The following USH2A variants were observed in gnomAD, a reference collection of about 807,000 sequenced individuals.
USH2A encodes the protein Usher syndrome 2A (autosomal recessive, mild).
A neutral mutation model predicts 538.9 loss-of-function variants in USH2A; 443 were observed. That is an observed-to-expected ratio of 0.82 (90% confidence interval 0.76 to 0.89). The LOEUF is 0.89. USH2A is among the 40% of genes least tolerant of loss of function. The pLI, the probability that USH2A is intolerant of heterozygous loss-of-function variation, is 0.00. For missense variants in USH2A, 6,633 were observed against 6,324.8 expected, an observed-to-expected ratio of 1.05 and a Z score of -1.65; for synonymous variants, 2,413 against 2,273.5, an observed-to-expected ratio of 1.06 and a Z score of -1.75.
At chr1:216,086,854 C>A (rs1173483469) in intron 23 of USH2A, 34 bp from the exon 24 acceptor site, 2 of 1,511,834 alleles carry the variant, frequency 1.3e-6, no homozygotes, top group South Asian at 1.1e-5. Flanking sequence ...ACACCTTCAC[C>A]AGGATACTCT....
chr1:216,283,798 T>C (rs1432026347), intron 11 of USH2A, among the ~76,000 whole-genome samples: 1 of 152,216 alleles, frequency 6.6e-6, no homozygotes, highest in Non-Finnish European at 1.5e-5. Context: ...TAATTGTTTG[T>C]CATTTCCTTT....
chr1:216,265,418 T>C (rs1034284962), intron 11 of USH2A, among the ~76,000 whole-genome samples: 5 of 151,862 alleles, frequency 3.3e-5, no homozygotes, highest in Non-Finnish European at 7.4e-5. Context: ...TAGCATACCA[T>C]TATGGAAAAA....
At chr1:215,836,665 T>C (rs1444212229) in intron 47 of USH2A, among the ~76,000 whole-genome samples, 7 of 138,730 alleles carry the variant, frequency 5.0e-5, no homozygotes, top group Non-Finnish European at 1.1e-4. Flanking sequence ...CACGCCATGC[T>C]CCTGCCTCAG....
intron 44 of USH2A, among the ~76,000 whole-genome samples, chr1:215,858,700 T>C (rs79946514): frequency 0.047 from 7,120 of 152,020 alleles, 273 homozygotes; most frequent in South Asian, 0.14. Flanking sequence ...AGAGCTTTGC[T>C]ATTAAATGTT....
intron 37 of USH2A, among the ~76,000 whole-genome samples, chr1:215,952,115 C>A (rs1325990925): frequency 6.6e-6 from 1 of 152,210 alleles, no homozygotes; most frequent in South Asian, 2.1e-4. Flanking sequence ...CCACCCGCCT[C>A]GGCCTCCCAA....
intron 21 of USH2A, among the ~76,000 whole-genome samples, chr1:216,146,091 G>T (rs1389832324): frequency 5.3e-5 from 8 of 152,174 alleles, no homozygotes; most frequent in Non-Finnish European, 7.3e-5. Context: ...CCTCCCTTGG[G>T]AGATCAATCC....
At position 215,680,435 on chromosome 1, in the gene USH2A, C is replaced by T. The variant is rs1004736514; in HGVS notation, c.12067-59G>A. ...TTTTTTTTTGAAACTGACAATATTG[C>T]TGGAAAGTCATTCTCTGAACCTCAT... On this transcript the variant is annotated intron_variant, in intron 61 of 71. Coordinates refer to ENST00000307340, the MANE Select transcript of USH2A (RefSeq NM_206933.4). The T allele has an allele frequency of 5.8e-6, 9 of 1,551,592 alleles. No individual in the cohort carries two copies. The Admixed American group carries it at 6.7e-5, about 12-fold the overall frequency.
intron 47 of USH2A, among the ~76,000 whole-genome samples, chr1:215,836,792 G>T (rs1231536860): frequency 6.7e-6 from 1 of 150,290 alleles, no homozygotes; most frequent in Non-Finnish European, 1.5e-5. Flanking sequence ...TCCTGAGCTT[G>T]TGATCCGCCC....
At chr1:216,088,990 T>C in intron 23 of USH2A, 23 bp downstream of exon 23, 1 of 1,612,902 alleles carries the variant, frequency 6.2e-7, no homozygotes, top group Non-Finnish European at 8.5e-7. Flanking sequence ...CAGGGCTATT[T>C]ATACATATCA....
At chr1:216,099,017 T>A (rs1179012470) in intron 21 of USH2A, among the ~76,000 whole-genome samples, 1 of 152,154 alleles carries the variant, frequency 6.6e-6, no homozygotes, top group Admixed American at 6.5e-5. Flanking sequence ...AAGACAAAGA[T>A]GAAAAAGAAT....
At chr1:215,629,759 T>A (rs1050147054) in intron 70 of USH2A, among the ~76,000 whole-genome samples, 3 of 148,182 alleles carry the variant, frequency 2.0e-5, no homozygotes, top group African/African-American at 7.7e-5. Flanking sequence ...TGTTTCTGCT[T>A]TTTCTTTTCT....
intron 56 of USH2A, 134 bp downstream of exon 56, chr1:215,766,547 C>A (rs1661133591): frequency 2.4e-6 from 2 of 842,610 alleles, no homozygotes; most frequent in Admixed American, 3.9e-5. Flanking sequence ...GAATGGGAAC[C>A]TAGAATGCTA....
At chr1:216,263,880 C>T (rs1268667521) in intron 11 of USH2A, among the ~76,000 whole-genome samples, 1 of 151,938 alleles carries the variant, frequency 6.6e-6, no homozygotes, top group Non-Finnish European at 1.5e-5. Context: ...ACTAAGCACT[C>T]CACCAAAAAA....
At chr1:215,734,843 G>C (rs987733910) in intron 60 of USH2A, among the ~76,000 whole-genome samples, 3 of 152,164 alleles carry the variant, frequency 2.0e-5, no homozygotes, top group African/African-American at 7.2e-5. Context: ...GGTCTTCACT[G>C]TCCATATTTC....
chr1:216,145,940 T>C (rs2033691267), intron 21 of USH2A, among the ~76,000 whole-genome samples: 1 of 152,096 alleles, frequency 6.6e-6, no homozygotes, highest in Non-Finnish European at 1.5e-5. Flanking sequence ...CACCCTTATC[T>C]CCCTTCGCTG....
chr1:216,222,217 T>C (rs1214421362), intron 14 of USH2A, among the ~76,000 whole-genome samples: 1 of 152,208 alleles, frequency 6.6e-6, no homozygotes, highest in African/African-American at 2.4e-5. Context: ...TCTTTATCTA[T>C]AAAGGATGAG....
At chr1:216,399,996 T>A (rs544569131) in intron 3 of USH2A, among the ~76,000 whole-genome samples, 1 of 151,948 alleles carries the variant, frequency 6.6e-6, no homozygotes, top group South Asian at 2.1e-4. Flanking sequence ...ACCCAAAACA[T>A]CCAGGATATA....
chr1:216,095,729 G>A (rs74143947), intron 22 of USH2A, among the ~76,000 whole-genome samples: 6,624 of 152,200 alleles, frequency 0.044, 480 homozygotes, highest in African/African-American at 0.15. Context: ...TAAAGCAGGA[G>A]GACTTTGGCC....
intron 32 of USH2A, among the ~76,000 whole-genome samples, chr1:216,030,613 AGATATATATCACAGATATATAATATATAC>A: frequency 6.8e-6 from 1 of 147,192 alleles, no homozygotes; most frequent in Admixed American, 6.8e-5. Context: ...AATGATATAT[AGATATATATCACAGATATATAATATATAC>A]GATATATATA....
Sources: allele counts gnomAD v4.1 joint callset (sites outside exome capture counted in the v4.1 genomes callset), GRCh38; gene constraint gnomAD v4.1.1; transcripts MANE v1.5; gene names NCBI Gene and HGNC (gene_info 2026-07-23, HGNC 2026-07-21).